IBTK: variants seen among roughly 807,000 people sequenced by gnomAD.
IBTK encodes inhibitor of Bruton tyrosine kinase, also known as BTK-binding protein.
A neutral mutation model predicts 154.9 loss-of-function variants in IBTK; 83 were observed. That is an observed-to-expected ratio of 0.54 (90% confidence interval 0.45 to 0.64). The LOEUF (loss-of-function observed/expected upper bound fraction) is 0.64. Among genes scored for constraint, IBTK ranks in the 30% least tolerant of loss-of-function variants. The pLI, the probability that IBTK is intolerant of heterozygous loss-of-function variation, is 0.00. For synonymous variants in IBTK, 515 were observed against 536.1 expected (o/e 0.96, Z 0.54); for missense variants, 1,332 against 1,584.6 (o/e 0.84, Z 2.71).
intron 26 of IBTK, chr6:82,173,674 A>AAT (rs35757334): frequency 0.88 from 174,235 of 197,302 alleles, 77,169 homozygotes; most frequent in East Asian, 0.95. Flanking sequence ...TCTAATAATA[A>AAT]ATATATATAT....
At position 82,220,664 on chromosome 6, in the gene IBTK, T is replaced by G. The variant is rs1391553149; in HGVS notation, c.1174A>C (p.Lys392Gln). ...TCTTTCAAATGTTCAGGATCAACCT[T>G]GTATTCCATATGACCCCCAGACACA... ...VLVSGGHMEY[K>Q]VDPEHLKENG... is the part of the protein sequence containing the mutation. Residue 392 changes from lysine (K) to glutamine (Q), a missense_variant, in exon 9 of 29, where the codon AAG becomes CAG. Lys to Gln is a moderately conservative substitution (Grantham distance 53). Around this residue, in one of 3 missense-constraint regions of IBTK, gnomAD observed 1,134 missense variants for 1,274.7 expected, o/e 0.89. Coordinates refer to ENST00000306270, the MANE Select transcript of IBTK (RefSeq NM_015525.4). 1 of 1,611,878 alleles carries G rather than the reference T, an allele frequency of 6.2e-7. No homozygotes were observed. The highest frequency in any genetic ancestry group is 1.7e-5 in the Admixed American group (1 of 59,662).
chr6:82,227,123 T>G (rs753140778), intron 5 of IBTK, 69 bp downstream of exon 5: 1 of 1,042,694 alleles, frequency 9.6e-7, no homozygotes, highest in South Asian at 1.4e-5. Context: ...AAAATTTAGT[T>G]AATTAAATCT....
Position 82,216,202 on chromosome 6 carries a change from G to C in IBTK, c.1475C>G (p.Ser492Cys). 6.2e-7 allele frequency: 1 copy of C among 1,608,648 alleles called. No homozygotes were observed. The highest frequency in any genetic ancestry group is 8.5e-7 in the Non-Finnish European group (1 of 1,177,516). The stretch of plus-strand genomic sequence containing the variant: ...TCTTTCATACACACTATTTATATCA[G>C]AGACATAAGACACATCTGATGAGGA... ...HNSSSDVSYV[S>C]DINSVYERIR... Residue 492 changes from serine (S) to cysteine (C), a missense_variant, in exon 11 of 29, where the codon TCT becomes TGT. Physicochemically the swap from Ser to Cys is moderately radical, Grantham distance 112. Transcript: ENST00000306270.
At chr6:82,221,641 A>G (rs1418681810) in intron 8 of IBTK, among the ~76,000 whole-genome samples, 2 of 152,194 alleles carry the variant, frequency 1.3e-5, no homozygotes, top group African/African-American at 4.8e-5. Context: ...AAATTACTAT[A>G]TTGTATAACT....
intron 4 of IBTK, 63 bp downstream of exon 4, chr6:82,231,655 A>G: frequency 7.7e-7 from 1 of 1,290,544 alleles, no homozygotes; most frequent in Middle Eastern, 2.0e-4. Flanking sequence ...TGAAAAGCTG[A>G]ACAATCAAAT....
chr6:82,222,404 T>C (rs1267777953), intron 8 of IBTK, among the ~76,000 whole-genome samples: 8 of 152,220 alleles, frequency 5.3e-5, no homozygotes, highest in African/African-American at 1.7e-4. Context: ...GAATCATTTA[T>C]ATTTGTACAA....
chr6:82,184,895 A>G (rs1362885932), intron 25 of IBTK, among the ~76,000 whole-genome samples: 3 of 152,092 alleles, frequency 2.0e-5, no homozygotes, highest in Non-Finnish European at 4.4e-5. Context: ...AAAACCAGTT[A>G]CATCGGCTGG....
intron 2 of IBTK, among the ~76,000 whole-genome samples, chr6:82,236,585 CCAGCTTTTTGTAGGCA>C (rs1770722151): frequency 6.6e-6 from 1 of 152,178 alleles, no homozygotes; most frequent in African/African-American, 2.4e-5. Context: ...TGTCTCTATT[CCAGCTTTTTGTAGGCA>C]ACAAGTTTCT....
intron 17 of IBTK, among the ~76,000 whole-genome samples, chr6:82,203,733 CA>C (rs1769297609): frequency 6.6e-6 from 1 of 151,962 alleles, no homozygotes; most frequent in Non-Finnish European, 1.5e-5. Context: ...GGAAGAAGAC[CA>C]GCAAAGGCAA....
rs1407342518 is a variant in IBTK at position 82,194,420 on chromosome 6, C to T, written c.3338+59G>A. The T allele has an allele frequency of 6.4e-6, 7 of 1,085,332 alleles. No individual in the cohort carries two copies. The African/African-American group carries it at 8.2e-5, about 13-fold the overall frequency. The allele number at this position is 1,085,332 out of a possible 1,614,324, so 67.2% of individuals were successfully genotyped here. On this transcript the variant is annotated intron_variant, in intron 23 of 28. Coordinates refer to ENST00000306270, the MANE Select transcript of IBTK (RefSeq NM_015525.4). ...TGTTCATCATTAAAAAATTAAATTG[C>T]ATTAAAAATGAATGACATTTCTCAA...
At chr6:82,187,379 C>T (rs1383652865) in intron 25 of IBTK, among the ~76,000 whole-genome samples, 1 of 152,076 alleles carries the variant, frequency 6.6e-6, no homozygotes, top group Non-Finnish European at 1.5e-5. Flanking sequence ...GCTCATGTTG[C>T]TATTACCAAG....
rs567372312 is a variant in IBTK, at chr6:82,182,319, T to C, written c.3576-291A>G. On this transcript the variant is annotated intron_variant, in intron 25 of 28. Transcript: ENST00000306270. The stretch of plus-strand genomic sequence containing the variant: ...AACAACAACAAAAGCTCATTAAAAA[T>C]AGGTAAGTTCGGCAAAAGAAAAGAA... Among the ~76,000 whole-genome samples the C allele has an allele frequency of 3.3e-5, 5 of 151,992 alleles. 1 individual carries two copies. The highest frequency in any genetic ancestry group is 3.3e-4 in the Admixed American group (5 of 15,270).
At chr6:82,198,627 T>C (rs1769089805) in intron 21 of IBTK, among the ~76,000 whole-genome samples, 1 of 152,090 alleles carries the variant, frequency 6.6e-6, no homozygotes, top group Non-Finnish European at 1.5e-5. Flanking sequence ...CAAAACAATG[T>C]ACTCTTCTAT....
At chr6:82,196,226 G>T (rs1582202947) in intron 22 of IBTK, 72 bp downstream of exon 22, 1 of 1,231,692 alleles carries the variant, frequency 8.1e-7, no homozygotes, top group East Asian at 2.5e-5. Context: ...GCAAAAATAA[G>T]GAAATATTAA....
rs767296617 is a variant in IBTK at position 82,227,322 on chromosome 6, T to C, written c.544-20A>G. 4.2e-5 allele frequency: 59 copies of C among 1,397,344 alleles called. No homozygotes were observed. Among genetic ancestry groups the C allele is most frequent in the Middle Eastern group, 1.8e-4 (1 of 5,568 alleles). The allele number at this position is 1,397,344 out of a possible 1,614,324, so 86.6% of individuals were successfully genotyped here. On this transcript the variant is annotated intron_variant, in intron 4 of 28. Transcript: ENST00000306270. ...CACCACCTAAGGGAAAACAAGAGAA[T>C]ATTATTAAACTTCTCTGAATAAAAT...
intron 12 of IBTK, among the ~76,000 whole-genome samples, chr6:82,213,629 G>C (rs897264255): frequency 6.6e-6 from 1 of 152,142 alleles, no homozygotes; most frequent in African/African-American, 2.4e-5. Flanking sequence ...GCCAGGAATA[G>C]TAAAGCTAAG....
chr6:82,182,547 G>A (rs1464753291), intron 25 of IBTK, among the ~76,000 whole-genome samples: 1 of 152,016 alleles, frequency 6.6e-6, no homozygotes, highest in Admixed American at 6.6e-5. Flanking sequence ...TGTGTTAACT[G>A]AAGTCCCAGA....
chr6:82,171,539 T>A lies in IBTK; in HGVS notation c.3948A>T (p.Ile1316=). The change falls in exon 29 of 29, where the codon ATA becomes ATT. Residue 1316 remains isoleucine (I), a synonymous_variant. Transcript: ENST00000306270. ...LALIQIEEHA[I]QDLLVFYEAF... ...CCTCATAGAAAACCAATAAATCTTG[T>A]ATGGCATGCTCCTCAATCTGAAAGG... The A allele has an allele frequency of 6.2e-7, 1 of 1,603,278 alleles. No individual in the cohort carries two copies. The highest frequency in any genetic ancestry group is 1.3e-5 in the African/African-American group (1 of 74,854).
Position 82,189,265 on chromosome 6 carries a change from G to A in IBTK, c.3575+1808C>T, listed in dbSNP as rs1768671510. Among the ~76,000 whole-genome samples the A allele has an allele frequency of 2.0e-5, 3 of 151,746 alleles. 1 individual carries two copies. The South Asian group carries it at 6.2e-4, about 32-fold the overall frequency. On this transcript the variant is annotated intron_variant, in intron 25 of 28. Coordinates refer to ENST00000306270, the MANE Select transcript of IBTK (RefSeq NM_015525.4). ...ATTACTGTAAAATTTCAGAACATTA[G>A]AGATAAAGAAAAGATCCTGTAAACT...
Sources: allele counts gnomAD v4.1 joint callset (sites outside exome capture counted in the v4.1 genomes callset), GRCh38; gene constraint gnomAD v4.1.1; regional missense constraint gnomAD v4.1.1; transcripts MANE v1.5; gene names NCBI Gene and HGNC (gene_info 2026-07-23, HGNC 2026-07-21).